Variants in CTIF observed in about 807,000 individuals in gnomAD.
CTIF encodes CBP80/20-dependent translation initiation factor.
Under a neutral mutation model 66.0 loss-of-function variants are expected in CTIF, and 21 were observed. The ratio of observed to expected loss-of-function variants is 0.32; its 90% CI spans 0.23 to 0.46. The LOEUF is 0.46. Among genes scored for constraint, CTIF ranks in the 20% least tolerant of loss-of-function variants. The pLI, the probability that CTIF is intolerant of heterozygous loss-of-function variation, is 1.00. For missense variants in CTIF, 739 were observed against 812.7 expected (o/e 0.91, Z 1.10); for synonymous variants, 345 against 326.4 (o/e 1.06, Z -0.62).
chr18:48,682,757 G>T (rs1186467188), intron 6 of CTIF, among the ~76,000 whole-genome samples: 1 of 152,266 alleles, frequency 6.6e-6, no homozygotes, highest in Non-Finnish European at 1.5e-5. Context: ...CCAGACTCCA[G>T]CAACTGCTCC....
intron 1 of CTIF, among the ~76,000 whole-genome samples, chr18:48,597,157 T>C (rs1167989938): frequency 6.6e-6 from 1 of 152,206 alleles, no homozygotes; most frequent in Non-Finnish European, 1.5e-5. Flanking sequence ...GGCCTCTTCG[T>C]TCACTGCCTC....
chr18:48,651,702 C>A lies in CTIF; in HGVS notation c.253-12050C>A, dbSNP rs151034122. ...CACATCGCACTTATTCCAAAATTGA[C>A]CACTTAGTTGGAAGTAAAGCACTCC... On this transcript the variant is annotated intron_variant, in intron 3 of 11. Coordinates refer to ENST00000256413, the MANE Select transcript of CTIF (RefSeq NM_014772.3). 3.8e-4 allele frequency among the ~76,000 whole-genome samples: 58 copies of A among 152,294 alleles called. No homozygotes were observed. The East Asian group carries it at 0.01, about 27-fold the overall frequency.
At chr18:48,730,279 CT>C (rs1367176250) in intron 7 of CTIF, among the ~76,000 whole-genome samples, 7 of 147,000 alleles carry the variant, frequency 4.8e-5, no homozygotes, top group African/African-American at 1.8e-4. Flanking sequence ...TGAGGGCCTC[CT>C]GGGGTGTGAG....
In CTIF at chr18:48,790,231, A is replaced by G. The variant is rs746433246; in HGVS notation, c.1372-26990A>G. ...AATAAGGATCTCAGGCTCTGTGAGTACAGCCACCTCCTTTTCTAAGACCCA... is the reference window on the plus strand; with the variant it reads ...AATAAGGATCTCAGGCTCTGTGAGTGCAGCCACCTCCTTTTCTAAGACCCA... On this transcript the variant is annotated intron_variant, in intron 9 of 11. Transcript: ENST00000256413. Among the ~76,000 whole-genome samples, 6 of 152,250 alleles carry G rather than the reference A, an allele frequency of 3.9e-5. 1 individual carries two copies. The highest frequency in any genetic ancestry group is 1.3e-4 in the Admixed American group (2 of 15,292).
intron 6 of CTIF, among the ~76,000 whole-genome samples, chr18:48,691,827 C>G (rs184821229): frequency 2.0e-5 from 3 of 152,172 alleles, no homozygotes; most frequent in African/African-American, 7.2e-5. Flanking sequence ...TATCCTCCAC[C>G]GCCCCTCACT....
chr18:48,553,749 G>A (rs1360678712), intron 1 of CTIF, among the ~76,000 whole-genome samples: 48 of 151,224 alleles, frequency 3.2e-4, no homozygotes, highest in African/African-American at 9.9e-4. Context: ...TCCGCCTCCC[G>A]GGTTCATGCT....
At chr18:48,712,605 A>G (rs9967059) in intron 7 of CTIF, among the ~76,000 whole-genome samples, 49,984 of 152,104 alleles carry the variant, frequency 0.33, 9,743 homozygotes, top group African/African-American at 0.54. Context: ...TATAGGGAAT[A>G]TATTCTTAGA....
At chr18:48,671,471 C>A (rs2091533900) in intron 6 of CTIF, among the ~76,000 whole-genome samples, 1 of 152,136 alleles carries the variant, frequency 6.6e-6, no homozygotes, top group South Asian at 2.1e-4. Context: ...TGATTCTTCT[C>A]CTGCTATTTT....
At position 48,595,433 on chromosome 18, in the gene CTIF, A is replaced by T. The variant is rs183627113; in HGVS notation, c.-28-24105A>T. ...CGTACATTTATTTTTTAATTAATTA[A>T]TTTTTTTTAGAGAGACAGGGTCTCA... On this transcript the variant is annotated intron_variant, in intron 1 of 11. Transcript: ENST00000256413. Among the ~76,000 whole-genome samples, 782 of 151,892 alleles carry T rather than the reference A, an allele frequency of 5.1e-3. 6 individuals carry two copies. Among genetic ancestry groups the T allele is most frequent in the Non-Finnish European group, 5.7e-3 (387 of 67,882 alleles).
At chr18:48,817,714 T>C (rs1213178545) in intron 10 of CTIF, among the ~76,000 whole-genome samples, 1 of 150,280 alleles carries the variant, frequency 6.7e-6, no homozygotes, top group Non-Finnish European at 1.5e-5. Context: ...AGGTGGAGAC[T>C]GCAGTGAGCC....
At chr18:48,858,970 T>A (rs1361298253) in intron 11 of CTIF, among the ~76,000 whole-genome samples, 1 of 152,114 alleles carries the variant, frequency 6.6e-6, no homozygotes, top group African/African-American at 2.4e-5. Flanking sequence ...GGCCCCCTGA[T>A]CACCAAGGGG....
In CTIF at chr18:48,605,148, G is replaced by A. The variant is rs187764621; in HGVS notation, c.-28-14390G>A. Among the ~76,000 whole-genome samples the A allele has an allele frequency of 2.0e-5, 3 of 152,280 alleles. No homozygotes were observed. In the East Asian group the frequency reaches 5.8e-4, roughly 29 times the overall value. Reference sequence around the variant, plus strand: ...TTTTCTCAGGTATATACCTGGAGTGGAATTGTTGGGTCATAAGGTTTATGT... The same window carrying A: ...TTTTCTCAGGTATATACCTGGAGTGAAATTGTTGGGTCATAAGGTTTATGT... On this transcript the variant is annotated intron_variant, in intron 1 of 11. Coordinates refer to ENST00000256413, the MANE Select transcript of CTIF (RefSeq NM_014772.3).
intron 9 of CTIF, among the ~76,000 whole-genome samples, chr18:48,813,875 C>T (rs1356938711): frequency 6.6e-6 from 1 of 152,220 alleles, no homozygotes; most frequent in Non-Finnish European, 1.5e-5. Context: ...CTGCACTGCC[C>T]CGAATCTCCA....
At chr18:48,583,109 GGGGCCAGCTGGGCCA>G (rs1424686109) in intron 1 of CTIF, among the ~76,000 whole-genome samples, 3 of 152,186 alleles carry the variant, frequency 2.0e-5, no homozygotes, top group African/African-American at 7.2e-5. Context: ...TGGCCTTCAG[GGGGCCAGCTGGGCCA>G]TTGGACTGGA....
intron 6 of CTIF, among the ~76,000 whole-genome samples, chr18:48,679,621 T>C (rs1347370583): frequency 1.3e-5 from 2 of 152,184 alleles, no homozygotes; most frequent in Admixed American, 6.5e-5. Flanking sequence ...CCATTTCTCT[T>C]TCCTCTTATG....
intron 9 of CTIF, among the ~76,000 whole-genome samples, chr18:48,803,038 G>T (rs2068077631): frequency 6.6e-6 from 1 of 152,240 alleles, no homozygotes; most frequent in Non-Finnish European, 1.5e-5. Context: ...ATTCCTGCTG[G>T]ATCAGCCTGA....
At chr18:48,618,009 G>A (rs556929576) in intron 1 of CTIF, among the ~76,000 whole-genome samples, 15 of 152,334 alleles carry the variant, frequency 9.8e-5, no homozygotes, top group African/African-American at 1.4e-4. Context: ...ACAGCAGGGC[G>A]GTTCTCCTTC....
At chr18:48,553,236 G>A (rs949320277) in intron 1 of CTIF, among the ~76,000 whole-genome samples, 5 of 152,198 alleles carry the variant, frequency 3.3e-5, no homozygotes, top group African/African-American at 1.2e-4. Flanking sequence ...AAAGCGTGTG[G>A]GGAGAGGGTT....
intron 1 of CTIF, among the ~76,000 whole-genome samples, chr18:48,561,712 T>C (rs2089168184): frequency 6.6e-6 from 1 of 152,238 alleles, no homozygotes; most frequent in Non-Finnish European, 1.5e-5. Flanking sequence ...ATATTCTGAA[T>C]GAACTGTTGA....
Sources: allele counts gnomAD v4.1 joint callset (sites outside exome capture counted in the v4.1 genomes callset), GRCh38; gene constraint gnomAD v4.1.1; transcripts MANE v1.5; gene names NCBI Gene and HGNC (gene_info 2026-07-23, HGNC 2026-07-21).